The following ZEB2 variants were observed in gnomAD, a reference collection of about 807,000 sequenced individuals.
The protein encoded by ZEB2 is zinc finger E-box binding homeobox 2, also known as zinc finger E-box-binding homeobox 2.
ZEB2 carries 6 observed loss-of-function variants against 99.9 expected under a neutral mutation model. That is an observed-to-expected ratio of 0.06 (90% CI 0.03 to 0.12). The LOEUF (loss-of-function observed/expected upper bound fraction) is 0.12, where lower values mean the gene tolerates loss of function less well. Ranked by LOEUF, ZEB2 falls within the 10% of genes least tolerant of loss-of-function variation. ZEB2 has a pLI of 1.00. For synonymous variants in ZEB2, 517 were observed against 542.5 expected, an observed-to-expected ratio of 0.95 and a Z score of 0.65; for missense variants, 969 against 1,502.8, an observed-to-expected ratio of 0.64 and a Z score of 5.87.
At chr2:144,489,028 T>G (rs1364171017) in intron 2 of ZEB2, among the ~76,000 whole-genome samples, 1 of 152,186 alleles carries the variant, frequency 6.6e-6, no homozygotes, top group Admixed American at 6.5e-5. Context: ...TTTTTTATTG[T>G]GATAAAACAT....
At chr2:144,390,937 A>T (rs944301544) in intron 9 of ZEB2, among the ~76,000 whole-genome samples, 1 of 152,252 alleles carries the variant, frequency 6.6e-6, no homozygotes, top group Non-Finnish European at 1.5e-5. Context: ...GATAAAAAAA[A>T]ATTATCAGCC....
chr2:144,414,740 C>T (rs1464470768), intron 4 of ZEB2, among the ~76,000 whole-genome samples: 1 of 152,138 alleles, frequency 6.6e-6, no homozygotes, highest in Non-Finnish European at 1.5e-5. Context: ...TTCTACTGCA[C>T]CATAATGACT....
chr2:144,411,972 A>T (rs1159882675), intron 4 of ZEB2, among the ~76,000 whole-genome samples: 2 of 152,210 alleles, frequency 1.3e-5, no homozygotes, highest in Non-Finnish European at 2.9e-5. Context: ...TTACTTTTTT[A>T]AAAATTCCCA....
At chr2:144,516,747 G>T (rs1349503959) in intron 2 of ZEB2, 2 of 151,018 alleles carry the variant, frequency 1.3e-5, no homozygotes, top group Middle Eastern at 3.2e-3. Context: ...ACCGTTACTT[G>T]GCGCACCGAG....
chr2:144,449,581 T>C (rs1052514620), intron 2 of ZEB2: 16 of 152,310 alleles, frequency 1.1e-4, no homozygotes, highest in East Asian at 7.7e-4. Flanking sequence ...CCCCGTCAGA[T>C]TCAGTGCAAG....
rs78597039 is a variant in ZEB2 at position 144,443,861 on chromosome 2, TAA to T, written c.74-13837_74-13836del. On this transcript the variant is annotated intron_variant, in intron 2 of 9. Transcript: ENST00000627532. ...AAGCAAGCTTTCTTGAAAATGTATT[TAA>T]AAAAAAAAAAACAGTTTGTACTGTT... 2.8e-5 allele frequency among the ~76,000 whole-genome samples: 4 copies of T among 143,060 alleles called. No homozygotes were observed. The South Asian group carries it at 8.8e-4, about 31-fold the overall frequency. The allele number at this position is 143,060 out of a possible 152,430, so 93.9% of individuals were successfully genotyped here. A position where few individuals can be genotyped will look rare whatever the true frequency, so the allele number is the denominator to read the frequency against.
chr2:144,396,736 T>A, intron 8 of ZEB2, 144 bp from the exon 9 acceptor site: 1 of 833,526 alleles, frequency 1.2e-6, no homozygotes, highest in Non-Finnish European at 2.0e-6. Context: ...ATGAACAATA[T>A]ATGAGGTCTC....
intron 2 of ZEB2, among the ~76,000 whole-genome samples, chr2:144,458,088 T>A (rs901888318): frequency 1.4e-4 from 22 of 151,956 alleles, no homozygotes; most frequent in African/African-American, 4.6e-4. Flanking sequence ...TGCCTATATT[T>A]CTGGGCTGTT....
At chr2:144,401,418 G>C (rs920009165) in intron 6 of ZEB2, 111 bp from the exon 7 acceptor site, 5 of 949,198 alleles carry the variant, frequency 5.3e-6, no homozygotes, top group Non-Finnish European at 8.6e-6. Flanking sequence ...AGGTTTGAGT[G>C]CATGCTTATT....
At chr2:144,498,766 G>A (rs1418329346) in intron 2 of ZEB2, among the ~76,000 whole-genome samples, 1 of 152,108 alleles carries the variant, frequency 6.6e-6, no homozygotes, top group Non-Finnish European at 1.5e-5. Flanking sequence ...GGGTCATGAG[G>A]GAAGGCCCGA....
At chr2:144,410,172 G>A (rs1488614307) in intron 4 of ZEB2, among the ~76,000 whole-genome samples, 1 of 152,110 alleles carries the variant, frequency 6.6e-6, no homozygotes, top group South Asian at 2.1e-4. Flanking sequence ...GCCTCCCAAA[G>A]TGCTGGGATT....
chr2:144,453,413 T>C (rs182556605), intron 2 of ZEB2, among the ~76,000 whole-genome samples: 1 of 152,364 alleles, frequency 6.6e-6, no homozygotes, highest in Admixed American at 6.5e-5. Flanking sequence ...CCTTTCCCCT[T>C]ACCTTCTTTT....
At chr2:144,518,034 G>A in intron 1 of ZEB2, 1 of 220,100 alleles carries the variant, frequency 4.5e-6, no homozygotes, top group Non-Finnish European at 8.4e-6. Flanking sequence ...CCCGTTTTAC[G>A]CCGCAATGAT....
At chr2:144,474,123 G>C (rs1292194023) in intron 2 of ZEB2, among the ~76,000 whole-genome samples, 1 of 152,214 alleles carries the variant, frequency 6.6e-6, no homozygotes, top group African/African-American at 2.4e-5. Flanking sequence ...ACTGAGGAAA[G>C]AAGGGTATTA....
intron 3 of ZEB2, 154 bp downstream of exon 3, chr2:144,429,615 T>A: frequency 8.3e-7 from 1 of 1,205,990 alleles, no homozygotes; most frequent in Non-Finnish European, 1.2e-6. Context: ...TATCACTTCA[T>A]AATCTGTCAC....
At chr2:144,426,742 T>C (rs1179334081) in intron 3 of ZEB2, 2 of 152,186 alleles carry the variant, frequency 1.3e-5, no homozygotes, top group Admixed American at 6.6e-5. Context: ...TTCAGAGACA[T>C]TGGATGAGAT....
At chr2:144,481,088 TTA>T (rs1397472514) in intron 2 of ZEB2, among the ~76,000 whole-genome samples, 3 of 152,100 alleles carry the variant, frequency 2.0e-5, no homozygotes, top group African/African-American at 7.2e-5. Flanking sequence ...AGGCCAGCAT[TTA>T]TAGAGGAAAA....
chr2:144,438,337 T>C (rs1703863380), intron 2 of ZEB2, among the ~76,000 whole-genome samples: 1 of 152,160 alleles, frequency 6.6e-6, no homozygotes, highest in African/African-American at 2.4e-5. Flanking sequence ...GAACAGCTCT[T>C]CCAGAGGAAA....
chr2:144,421,656 C>CTT lies in ZEB2; in HGVS notation c.403+3138_403+3139dup, dbSNP rs34583976. On this transcript the variant is annotated intron_variant, in intron 4 of 9. Coordinates refer to ENST00000627532, the MANE Select transcript of ZEB2 (RefSeq NM_014795.4). ...TAATTTTTTTCTCTTGTGTCATAAT[C>CTT]TTTTTTTTTTTTTTTCAAAAGAAAA... 1.0e-3 allele frequency among the ~76,000 whole-genome samples: 138 copies of CTT among 137,322 alleles called. 1 individual carries two copies. Among genetic ancestry groups the CTT allele is most frequent in the Middle Eastern group, 3.8e-3 (1 of 266 alleles). 90.1% of individuals were successfully genotyped at this position (137,322 alleles called of 152,430 possible). A position where few individuals can be genotyped will look rare whatever the true frequency, so the allele number is the denominator to read the frequency against.
Sources: gnomAD v4.1 joint callset for allele counts (sites outside exome capture counted in the v4.1 genomes callset) on GRCh38, gnomAD v4.1.1 for gene constraint, MANE v1.5 for transcripts, NCBI Gene and HGNC (gene_info 2026-07-23, HGNC 2026-07-21) for gene names.